The following EFCAB6 variants were observed in gnomAD, a reference collection of about 807,000 sequenced individuals.
EFCAB6 encodes EF-hand calcium-binding domain-containing protein 6.
A neutral mutation model predicts 169.8 loss-of-function variants in EFCAB6; 156 were observed. That is an observed-to-expected ratio of 0.92 (90% CI 0.81 to 1.05). EFCAB6 has a LOEUF of 1.05. Ranked by LOEUF, EFCAB6 falls within the 50% of genes least tolerant of loss-of-function variation. EFCAB6 has a pLI of 0.00. For synonymous variants in EFCAB6, 698 were observed against 676.4 expected (o/e 1.03, Z -0.50); for missense variants, 1,800 against 1,829.1 (o/e 0.98, Z 0.29).
At chr22:43,633,961 A>C (rs546854414) in intron 18 of EFCAB6, among the ~76,000 whole-genome samples, 1 of 152,056 alleles carries the variant, frequency 6.6e-6, no homozygotes, top group Non-Finnish European at 1.5e-5. Flanking sequence ...TAGAATCTTC[A>C]TGTGTGAGAA....
At chr22:43,715,678 T>C (rs1243304456) in intron 9 of EFCAB6, among the ~76,000 whole-genome samples, 1 of 152,262 alleles carries the variant, frequency 6.6e-6, no homozygotes, top group Non-Finnish European at 1.5e-5. Context: ...TGCCTTTGAT[T>C]CTTTCTGGGT....
chr22:43,731,078 C>A (rs1407098461), intron 8 of EFCAB6, among the ~76,000 whole-genome samples: 3 of 152,140 alleles, frequency 2.0e-5, no homozygotes, highest in African/African-American at 7.2e-5. Context: ...GGGAGAGGAT[C>A]CAATTGCATG....
intron 8 of EFCAB6, among the ~76,000 whole-genome samples, chr22:43,720,930 C>G (rs5764238): frequency 0.76 from 115,771 of 152,124 alleles, 44,194 homozygotes; most frequent in East Asian, 0.86. Flanking sequence ...ATGAAGAAGT[C>G]AAACTATCTC....
At chr22:43,695,602 AG>A (rs1316249392) in intron 10 of EFCAB6, among the ~76,000 whole-genome samples, 2 of 152,120 alleles carry the variant, frequency 1.3e-5, no homozygotes, top group East Asian at 3.8e-4. Context: ...CTTTAGCTAC[AG>A]TAATCAAGAA....
At chr22:43,775,832 T>G (rs574125667) in intron 3 of EFCAB6, among the ~76,000 whole-genome samples, 7 of 152,040 alleles carry the variant, frequency 4.6e-5, no homozygotes, top group African/African-American at 1.4e-4. Flanking sequence ...CATATAGGAG[T>G]TCTGGGCAAC....
intron 8 of EFCAB6, among the ~76,000 whole-genome samples, chr22:43,730,766 C>T (rs1044542517): frequency 2.6e-5 from 4 of 152,118 alleles, no homozygotes; most frequent in African/African-American, 7.2e-5. Context: ...TATGAAGAGG[C>T]GACGCAGGAA....
intron 2 of EFCAB6, among the ~76,000 whole-genome samples, chr22:43,791,569 T>C (rs1297493625): frequency 6.6e-6 from 1 of 152,022 alleles, no homozygotes; most frequent in Non-Finnish European, 1.5e-5. Context: ...GCCACAGTCC[T>C]AGAAACCATG....
At chr22:43,599,605 T>G (rs540997312) in intron 23 of EFCAB6, among the ~76,000 whole-genome samples, 4 of 147,790 alleles carry the variant, frequency 2.7e-5, no homozygotes, top group Non-Finnish European at 6.0e-5. Context: ...TTCTGAATTA[T>G]TTCTTCGGGA....
intron 26 of EFCAB6, 102 bp downstream of exon 26, chr22:43,576,195 A>G: frequency 1.0e-6 from 1 of 989,718 alleles, no homozygotes; most frequent in Non-Finnish European, 1.4e-6. Context: ...ACATGAGGTG[A>G]TTGCCAATTT....
intron 8 of EFCAB6, among the ~76,000 whole-genome samples, chr22:43,730,262 GGGAGC>G (rs1334705236): frequency 2.4e-4 from 4 of 16,606 alleles, no homozygotes; most frequent in Non-Finnish European, 5.5e-4. Context: ...AAGGAGGAAA[GGGAGC>G]GAGGGAGGGA....
chr22:43,792,196 GAA>G (rs1244219221), intron 2 of EFCAB6, among the ~76,000 whole-genome samples: 1 of 152,210 alleles, frequency 6.6e-6, no homozygotes, highest in Non-Finnish European at 1.5e-5. Context: ...ACACTGTCTA[GAA>G]GAGAAGGCAA....
chr22:43,598,188 T>C (rs2052167737), intron 23 of EFCAB6, among the ~76,000 whole-genome samples: 1 of 151,494 alleles, frequency 6.6e-6, no homozygotes, highest in African/African-American at 2.4e-5. Context: ...GTACCGGTAG[T>C]CCCAGCTACT....
At chr22:43,683,878 G>A in intron 11 of EFCAB6, 23 bp from the exon 12 acceptor site, 1 of 1,539,362 alleles carries the variant, frequency 6.5e-7, no homozygotes, top group Non-Finnish European at 9.0e-7. Context: ...TAGGAGAAAA[G>A]CAGGAATAAG....
intron 13 of EFCAB6, among the ~76,000 whole-genome samples, chr22:43,676,787 C>T (rs1180323410): frequency 6.6e-6 from 1 of 152,164 alleles, no homozygotes; most frequent in Non-Finnish European, 1.5e-5. Context: ...AAACTCTTCC[C>T]AAGACCATGA....
intron 24 of EFCAB6, among the ~76,000 whole-genome samples, chr22:43,586,163 G>T (rs2051049898): frequency 1.3e-5 from 2 of 151,814 alleles, no homozygotes; most frequent in African/African-American, 4.8e-5. Flanking sequence ...ACCATGTGTT[G>T]GGTGATTAAA....
intron 6 of EFCAB6, among the ~76,000 whole-genome samples, chr22:43,736,926 G>C (rs1047442111): frequency 5.9e-5 from 9 of 151,902 alleles, no homozygotes; most frequent in African/African-American, 2.2e-4. Flanking sequence ...GGCGCCCAAA[G>C]CTCACAGCCT....
chr22:43,563,358 A>G (rs2049194326), intron 26 of EFCAB6, among the ~76,000 whole-genome samples: 1 of 152,138 alleles, frequency 6.6e-6, no homozygotes, highest in African/African-American at 2.4e-5. Flanking sequence ...GCTTGAGCTC[A>G]GGAGCTTGAG....
chr22:43,731,232 A>G (rs1013996379), intron 8 of EFCAB6, among the ~76,000 whole-genome samples: 4 of 152,196 alleles, frequency 2.6e-5, no homozygotes, highest in Non-Finnish European at 4.4e-5. Context: ...GGTTATGTCT[A>G]ATGACCTGGC....
intron 30 of EFCAB6, chr22:43,532,051 G>A (rs925082941): frequency 6.6e-6 from 1 of 152,346 alleles, no homozygotes; most frequent in African/African-American, 2.4e-5. Context: ...GATGGGACAA[G>A]GGCTGTGACC....
Sources: allele counts gnomAD v4.1 joint callset (sites outside exome capture counted in the v4.1 genomes callset), GRCh38; gene constraint gnomAD v4.1.1; transcripts MANE v1.5; gene names NCBI Gene and HGNC (gene_info 2026-07-23, HGNC 2026-07-21).